The following ABTB3 variants were observed in gnomAD, a reference collection of about 807,000 sequenced individuals.
The protein encoded by ABTB3 is ankyrin repeat- and BTB/POZ domain-containing protein 3.
the ABTB3 span, among the ~76,000 whole-genome samples, chr12:107,482,018 C>T: frequency 0.01 from 1,520 of 151,570 alleles, 21 homozygotes; most frequent in South Asian, 0.067. Flanking sequence ...CCTGTTGTTT[C>T]GAGGAAGTGA....
chr12:107,627,919 A>G, the ABTB3 span, among the ~76,000 whole-genome samples: 1 of 152,232 alleles, frequency 6.6e-6, no homozygotes, highest in African/African-American at 2.4e-5. Flanking sequence ...TGGATACCCT[A>G]CATCACTTGC....
the ABTB3 span, among the ~76,000 whole-genome samples, chr12:107,543,759 A>G: frequency 6.6e-6 from 1 of 151,918 alleles, no homozygotes; most frequent in African/African-American, 2.4e-5. Flanking sequence ...AAGCCCTCCT[A>G]TGCTGAATGA....
chr12:107,450,868 G>A, the ABTB3 span, among the ~76,000 whole-genome samples: 2 of 152,124 alleles, frequency 1.3e-5, no homozygotes, highest in Non-Finnish European at 2.9e-5. Context: ...TTATGTAGAT[G>A]GGGGAAGTCT....
At chr12:107,485,376 G>A in the ABTB3 span, among the ~76,000 whole-genome samples, 1 of 152,178 alleles carries the variant, frequency 6.6e-6, no homozygotes, top group Non-Finnish European at 1.5e-5. Context: ...TGTTCCTGCT[G>A]TGTCCTAGGC....
chr12:107,450,448 T>G, the ABTB3 span, among the ~76,000 whole-genome samples: 1 of 152,070 alleles, frequency 6.6e-6, no homozygotes, highest in Non-Finnish European at 1.5e-5. Flanking sequence ...TATACCACCT[T>G]GGGGTTGCAG....
chr12:107,650,079 T>TGTCCAGGTGCCTGGCTGAC, the ABTB3 span: 45,586 of 151,946 alleles, frequency 0.3, 7,140 homozygotes, highest in East Asian at 0.52. Context: ...ACCTGGCTGA[T>TGTCCAGGTGCCTGGCTGAC]GAGAGATGTC....
At chr12:107,518,545 T>C in the ABTB3 span, among the ~76,000 whole-genome samples, 21 of 131,956 alleles carry the variant, frequency 1.6e-4, no homozygotes, top group African/African-American at 4.1e-4. Context: ...TAGGTGGGAA[T>C]TGAATAATGA....
At chr12:107,328,456 T>C in the ABTB3 span, among the ~76,000 whole-genome samples, 6 of 152,338 alleles carry the variant, frequency 3.9e-5, no homozygotes, top group African/African-American at 1.4e-4. Flanking sequence ...AGTGAATGGA[T>C]GCAAAGATAA....
the ABTB3 span, among the ~76,000 whole-genome samples, chr12:107,370,347 T>C: frequency 6.6e-6 from 1 of 152,236 alleles, no homozygotes; most frequent in Non-Finnish European, 1.5e-5. Flanking sequence ...CCATTGGCAC[T>C]GCAGAGGTTT....
At chr12:107,452,018 A>G in the ABTB3 span, among the ~76,000 whole-genome samples, 1 of 152,128 alleles carries the variant, frequency 6.6e-6, no homozygotes, top group Admixed American at 6.5e-5. Flanking sequence ...TGGAGCAGGT[A>G]TAGACTGGAC....
At chr12:107,527,989 C>T in the ABTB3 span, among the ~76,000 whole-genome samples, 1 of 152,166 alleles carries the variant, frequency 6.6e-6, no homozygotes, top group Non-Finnish European at 1.5e-5. Context: ...GACAATACCT[C>T]CTCTCCCAGG....
At chr12:107,563,147 C>T in the ABTB3 span, among the ~76,000 whole-genome samples, 22,401 of 152,172 alleles carry the variant, frequency 0.15, 1,913 homozygotes, top group East Asian at 0.24. Flanking sequence ...AATTCCTACA[C>T]TTAATGCAAC....
the ABTB3 span, among the ~76,000 whole-genome samples, chr12:107,391,710 A>C: frequency 6.6e-6 from 1 of 152,142 alleles, no homozygotes; most frequent in African/African-American, 2.4e-5. Context: ...AGAGGTCCTG[A>C]GTGTCAATTT....
At chr12:107,654,813 TATACACACACACACACAC>T in the ABTB3 span, among the ~76,000 whole-genome samples, 15 of 95,992 alleles carry the variant, frequency 1.6e-4, no homozygotes, top group African/African-American at 8.2e-4. Flanking sequence ...GTCTACATTG[TATACACACACACACACAC>T]ACACACACAC....
chr12:107,392,494 G>A, the ABTB3 span, among the ~76,000 whole-genome samples: 1 of 152,128 alleles, frequency 6.6e-6, no homozygotes. Flanking sequence ...AGGTCGTTCT[G>A]TTCTGTGTCT....
the ABTB3 span, among the ~76,000 whole-genome samples, chr12:107,606,017 C>G: frequency 6.6e-6 from 1 of 152,100 alleles, no homozygotes; most frequent in Non-Finnish European, 1.5e-5. Flanking sequence ...TTGGGACCTG[C>G]TAAATTTGAG....
At chr12:107,342,933 G>A in the ABTB3 span, among the ~76,000 whole-genome samples, 1 of 152,304 alleles carries the variant, frequency 6.6e-6, no homozygotes, top group South Asian at 2.1e-4. Context: ...TGTTGAAAGT[G>A]TTTTGCTGTG....
chr12:107,574,224 C>T, the ABTB3 span, among the ~76,000 whole-genome samples: 3 of 152,314 alleles, frequency 2.0e-5, no homozygotes, highest in East Asian at 5.8e-4. Context: ...ATGAACCAGG[C>T]TCGGCCAATC....
chr12:107,363,164 G>C, the ABTB3 span, among the ~76,000 whole-genome samples: 1 of 152,182 alleles, frequency 6.6e-6, no homozygotes, highest in African/African-American at 2.4e-5. Flanking sequence ...TCACTGCGTT[G>C]GGGCAGGCCT....
Sources: allele counts gnomAD v4.1 joint callset (sites outside exome capture counted in the v4.1 genomes callset), GRCh38; gene constraint gnomAD v4.1.1; transcripts MANE v1.5; gene names NCBI Gene and HGNC (gene_info 2026-07-23, HGNC 2026-07-21).